MIPOL1: variants seen among roughly 807,000 people sequenced by gnomAD.
MIPOL1 encodes the protein mirror-image polydactyly gene 1 protein.
A neutral mutation model predicts 60.9 loss-of-function variants in MIPOL1; 57 were observed. That is an observed-to-expected ratio of 0.94 (90% CI 0.76 to 1.17). MIPOL1 has a LOEUF of 1.17. MIPOL1 is among the 50% of genes most tolerant of loss of function. MIPOL1 has a pLI of 0.00. For synonymous variants in MIPOL1, 179 were observed against 168.8 expected (o/e 1.06, Z -0.47); for missense variants, 551 against 511.6 (o/e 1.08, Z -0.74).
intron 11 of MIPOL1, among the ~76,000 whole-genome samples, chr14:37,438,458 G>A (rs562967356): frequency 3.9e-4 from 60 of 152,040 alleles, no homozygotes; most frequent in Admixed American, 9.2e-4. Context: ...CATCCCCTAG[G>A]TTACATTAAG....
At chr14:37,524,565 CTTTTCTTTTTTT>C (rs2095434729) in intron 12 of MIPOL1, among the ~76,000 whole-genome samples, 1 of 124,848 alleles carries the variant, frequency 8.0e-6, no homozygotes, top group Non-Finnish European at 1.6e-5. Context: ...TTTTCTTTTT[CTTTTCTTTTTTT>C]TTTTTTTTGA....
intron 1 of MIPOL1, among the ~76,000 whole-genome samples, chr14:37,209,613 T>C (rs934472506): frequency 3.3e-5 from 5 of 152,090 alleles, no homozygotes; most frequent in African/African-American, 1.2e-4. Flanking sequence ...TGAGCTGAGA[T>C]CACGTCACTG....
chr14:37,403,016 C>T (rs751436859), intron 10 of MIPOL1, among the ~76,000 whole-genome samples: 1 of 152,166 alleles, frequency 6.6e-6, no homozygotes, highest in Non-Finnish European at 1.5e-5. Context: ...TTAGCTGTTA[C>T]ATTGCTTGTG....
chr14:37,331,073 C>T (rs2089641374), intron 9 of MIPOL1, among the ~76,000 whole-genome samples: 1 of 151,948 alleles, frequency 6.6e-6, no homozygotes, highest in African/African-American at 2.4e-5. Context: ...GTTTTTTAGT[C>T]TATCCTGTGG....
At chr14:37,381,831 C>G (rs2092933739) in intron 10 of MIPOL1, among the ~76,000 whole-genome samples, 1 of 151,684 alleles carries the variant, frequency 6.6e-6, no homozygotes, top group Admixed American at 6.6e-5. Context: ...CTTAAGCTAT[C>G]TTCTCAGCTC....
chr14:37,344,070 A>C (rs2090767300), intron 9 of MIPOL1, among the ~76,000 whole-genome samples: 1 of 152,008 alleles, frequency 6.6e-6, no homozygotes, highest in Admixed American at 6.6e-5. Flanking sequence ...AAATATATAG[A>C]CTCTTGTTTA....
At chr14:37,252,996 A>G (rs1974352034) in intron 3 of MIPOL1, among the ~76,000 whole-genome samples, 1 of 151,810 alleles carries the variant, frequency 6.6e-6, no homozygotes, top group African/African-American at 2.4e-5. Flanking sequence ...CATTATGATT[A>G]TATACTCCTT....
At chr14:37,408,256 T>C (rs963645772) in intron 10 of MIPOL1, among the ~76,000 whole-genome samples, 1 of 152,200 alleles carries the variant, frequency 6.6e-6, no homozygotes, top group African/African-American at 2.4e-5. Context: ...ACTTTTCATA[T>C]ATTTTTATTT....
rs903423608 is a variant in MIPOL1, at chr14:37,302,200, A to G, written c.624-5856A>G. 6.7e-5 allele frequency among the ~76,000 whole-genome samples: 10 copies of G among 149,568 alleles called. No homozygotes were observed. The East Asian group carries it at 1.4e-3, about 21-fold the overall frequency. On this transcript the variant is annotated intron_variant, in intron 7 of 12. Coordinates refer to ENST00000684589, the MANE Select transcript of MIPOL1 (RefSeq NM_001388067.1). ...AATTCTTTTCCAGAGTGGCTATACT[A>G]GCAATGAATCAGAGTTCCTGTTGCT...
intron 12 of MIPOL1, among the ~76,000 whole-genome samples, chr14:37,533,193 G>A (rs2095489872): frequency 6.6e-6 from 1 of 152,056 alleles, no homozygotes; most frequent in African/African-American, 2.4e-5. Flanking sequence ...TATGTAAAAA[G>A]ATTAGGACTT....
At chr14:37,325,951 C>T (rs2089117203) in intron 9 of MIPOL1, among the ~76,000 whole-genome samples, 1 of 152,260 alleles carries the variant, frequency 6.6e-6, no homozygotes, top group Admixed American at 6.5e-5. Context: ...CCCGCGAAAG[C>T]TTTTCTCCAT....
At chr14:37,389,674 C>T (rs1271310421) in intron 10 of MIPOL1, among the ~76,000 whole-genome samples, 1 of 149,012 alleles carries the variant, frequency 6.7e-6, no homozygotes, top group South Asian at 2.2e-4. Flanking sequence ...ACTTTTATCT[C>T]GTAGGCATGT....
chr14:37,240,493 TGTATCA>T (rs1393166222), intron 1 of MIPOL1: 1 of 152,058 alleles, frequency 6.6e-6, no homozygotes, highest in African/African-American at 2.4e-5. Context: ...TATGAAGGAG[TGTATCA>T]GTGCGTCAGA....
chr14:37,520,850 T>C (rs2095407770), intron 12 of MIPOL1, among the ~76,000 whole-genome samples: 1 of 151,100 alleles, frequency 6.6e-6, no homozygotes, highest in Non-Finnish European at 1.5e-5. Flanking sequence ...AAAAAGAAAG[T>C]AGATTAAAAT....
intron 12 of MIPOL1, among the ~76,000 whole-genome samples, chr14:37,530,824 T>A (rs1183877861): frequency 2.0e-5 from 3 of 151,712 alleles, no homozygotes; most frequent in African/African-American, 7.3e-5. Context: ...AGAAAGGATT[T>A]TTTTTTTTTT....
At chr14:37,221,980 AAAAT>A (rs150353776) in intron 1 of MIPOL1, among the ~76,000 whole-genome samples, 15,923 of 151,472 alleles carry the variant, frequency 0.11, 2,797 homozygotes, top group African/African-American at 0.37. Flanking sequence ...ATCAAATAGA[AAAAT>A]AAATAAATAA....
Position 37,387,536 on chromosome 14 carries a change from A to G in MIPOL1, c.936+17912A>G, listed in dbSNP as rs2093107104. Among the ~76,000 whole-genome samples the G allele has an allele frequency of 2.0e-5, 3 of 151,972 alleles. No homozygotes were observed. In the South Asian group the frequency reaches 6.2e-4, roughly 31 times the overall value. ...GAACTTAAATCATGAAACCTGATAC[A>G]GTATTTCCATTGAGTGTATCAGTTT... On this transcript the variant is annotated intron_variant, in intron 10 of 12. Coordinates refer to ENST00000684589, the MANE Select transcript of MIPOL1 (RefSeq NM_001388067.1).
At chr14:37,447,957 A>G (rs891156777) in intron 11 of MIPOL1, among the ~76,000 whole-genome samples, 1 of 152,174 alleles carries the variant, frequency 6.6e-6, no homozygotes, top group African/African-American at 2.4e-5. Context: ...CATTGACACA[A>G]AAGAGCAAGA....
chr14:37,458,250 G>A (rs989963719), intron 11 of MIPOL1, among the ~76,000 whole-genome samples: 1 of 152,150 alleles, frequency 6.6e-6, no homozygotes, highest in Non-Finnish European at 1.5e-5. Context: ...GCCAGCATTA[G>A]ATAGATCACT....
Sources: gnomAD v4.1 joint callset for allele counts (sites outside exome capture counted in the v4.1 genomes callset) on GRCh38, gnomAD v4.1.1 for gene constraint, MANE v1.5 for transcripts, NCBI Gene and HGNC (gene_info 2026-07-23, HGNC 2026-07-21) for gene names.